Variants in OST4 observed in about 807,000 individuals in gnomAD.
The protein encoded by OST4 is dolichyl-diphosphooligosaccharide--protein glycosyltransferase subunit 4.
Under a neutral mutation model 2.1 loss-of-function variants are expected in OST4, and 3 were observed. The ratio of observed to expected loss-of-function variants is 1.42; its 90% CI spans 0.65 to 3.67. The LOEUF (loss-of-function observed/expected upper bound fraction) is 3.67, where lower values mean the gene tolerates loss of function less well. OST4 is among the 30% of genes most tolerant of loss of function. The pLI is 0.03. For missense variants in OST4, 52 were observed against 47.1 expected, an observed-to-expected ratio of 1.10 and a Z score of -0.30; for synonymous variants, 23 against 21.6, an observed-to-expected ratio of 1.06 and a Z score of -0.18.
intron 2 of OST4, among the ~76,000 whole-genome samples, 160 bp downstream of exon 2, chr2:27,071,166 G>A (rs925481681): frequency 2.6e-5 from 4 of 152,232 alleles, no homozygotes; most frequent in Admixed American, 2.6e-4. Flanking sequence ...GGAGAGGACA[G>A]CGCGCTCTCT....
chr2:27,070,647 A>C lies in OST4; in HGVS notation c.*98T>G. The C allele has an allele frequency of 5.5e-6, 1 of 183,124 alleles. No homozygotes were observed. Among genetic ancestry groups the C allele is most frequent in the African/African-American group, 2.3e-5 (1 of 42,648 alleles). 11.3% of individuals were successfully genotyped at this position (183,124 alleles called of 1,614,324 possible). On this transcript the variant is annotated 3_prime_UTR_variant, in exon 3 of 3. Transcript: ENST00000456793. ...AGGTGTAGTTGCTTTGTATGTTGTG[A>C]TGGGTAGAAGGGATGAAGTGAAGTG... is the stretch of plus-strand genomic sequence containing the variant.
chr2:27,071,225 T>A, intron 2 of OST4, 101 bp downstream of exon 2: 1 of 728,614 alleles, frequency 1.4e-6, no homozygotes, highest in Non-Finnish European at 2.3e-6. Flanking sequence ...GTATCATGCT[T>A]GGCCCGACAC....
chr2:27,071,526 C>T (rs938252788), intron 1 of OST4, 63 bp from the exon 2 acceptor site: 2 of 1,389,730 alleles, frequency 1.4e-6, no homozygotes, highest in South Asian at 2.5e-5. Flanking sequence ...AAGAACCCGT[C>T]CTCGCCCCAC....
At chr2:27,071,113 G>A (rs1259071749) in intron 2 of OST4, among the ~76,000 whole-genome samples, 1 of 152,192 alleles carries the variant, frequency 6.6e-6, no homozygotes, top group Admixed American at 6.5e-5. Context: ...AGACTGTGAG[G>A]GTTAGGCAAC....
In OST4 at chr2:27,071,421, C is replaced by T. The variant is rs1207040467; in HGVS notation, c.42G>A (p.Leu14=). The T allele has an allele frequency of 1.9e-6, 3 of 1,551,578 alleles. No homozygotes were observed. Among genetic ancestry groups the T allele is most frequent in the Non-Finnish European group, 2.6e-6 (3 of 1,146,972 alleles). The change falls in exon 2 of 3, where the codon CTG becomes CTA. Residue 14 remains leucine (L), a synonymous_variant. Coordinates refer to ENST00000456793, the MANE Select transcript of OST4 (RefSeq NM_001134693.2). ...CGACAAGCAAGAAGAGCGACACGCCCAGCATGTTGGCGAAGATGGCGAGCT... is the reference window on the plus strand; with the variant it reads ...CGACAAGCAAGAAGAGCGACACGCCTAGCATGTTGGCGAAGATGGCGAGCT... The part of the protein sequence containing the change: ...DVQLAIFANM[L]GVSLFLLVVL...
Position 27,071,618 on chromosome 2 carries a change from G to C in OST4, c.-19C>G, listed in dbSNP as rs548922147. 7.4e-6 allele frequency: 4 copies of C among 541,476 alleles called. No homozygotes were observed. Among genetic ancestry groups the C allele is most frequent in the African/African-American group, 2.0e-5 (1 of 50,776 alleles). 33.5% of individuals were successfully genotyped at this position (541,476 alleles called of 1,614,324 possible). Reference sequence around the variant, plus strand: ...CCTCTGACCTGACCAGTCCGGCTCGGCTCCGACGCCACCAGCGAACAAGCC... The same window carrying C: ...CCTCTGACCTGACCAGTCCGGCTCGCCTCCGACGCCACCAGCGAACAAGCC... On this transcript the variant is annotated 5_prime_UTR_variant, in exon 1 of 3. Coordinates refer to ENST00000456793, the MANE Select transcript of OST4 (RefSeq NM_001134693.2).
rs949536415 is a variant in OST4 at position 27,071,590 on chromosome 2, G to C, written c.-2+11C>G. 1 of 660,596 alleles carries C rather than the reference G, an allele frequency of 1.5e-6. No individual in the cohort carries two copies. Among genetic ancestry groups the C allele is most frequent in the Non-Finnish European group, 2.5e-6 (1 of 393,730 alleles). 40.9% of individuals were successfully genotyped at this position (660,596 alleles called of 1,614,324 possible). A position where few individuals can be genotyped will look rare whatever the true frequency, so the allele number is the denominator to read the frequency against. On this transcript the variant is annotated intron_variant, in intron 1 of 2. Coordinates refer to ENST00000456793, the MANE Select transcript of OST4 (RefSeq NM_001134693.2). ...GGCTGGCCCGTGGGACGGCCCCTGC[G>C]TGCCTCTGACCTGACCAGTCCGGCT...
At position 27,071,644 on chromosome 2, in the gene OST4, CG is replaced by C. The variant is rs1669277861; in HGVS notation, c.-46del. Reference sequence around the variant, plus strand: ...CTCCGACGCCACCAGCGAACAAGCCCGAAGTCAGAGACCTGGACCGGAACTT... The same window carrying C: ...CTCCGACGCCACCAGCGAACAAGCCCAAGTCAGAGACCTGGACCGGAACTT... On this transcript the variant is annotated 5_prime_UTR_variant, in exon 1 of 3. Transcript: ENST00000456793. The C allele has an allele frequency of 1.9e-6, 1 of 513,154 alleles. No individual in the cohort carries two copies. Among genetic ancestry groups the C allele is most frequent in the African/African-American group, 2.0e-5 (1 of 49,786 alleles). 31.8% of individuals were successfully genotyped at this position (513,154 alleles called of 1,614,324 possible).
intron 2 of OST4, among the ~76,000 whole-genome samples, chr2:27,071,002 C>T (rs950431022): frequency 6.6e-6 from 1 of 152,206 alleles, no homozygotes; most frequent in African/African-American, 2.4e-5. Flanking sequence ...TATTTAAGAG[C>T]CCAAATCCTC....
chr2:27,071,387 G>A lies in OST4; in HGVS notation c.76C>T (p.His26Tyr). ...TTGGGATTGTTGACGGCCACGTAGT[G>A]ATAGAGAACGACAAGCAAGAAGAGC... ...VSLFLLVVLY[H>Y]YVAVNNPKKQ... The change falls in exon 2 of 3, where the codon CAC (histidine) becomes TAC (tyrosine). Residue 26 changes from histidine (H) to tyrosine (Y), a missense_variant. His to Tyr is a moderately conservative substitution (Grantham distance 83). Coordinates refer to ENST00000456793, the MANE Select transcript of OST4 (RefSeq NM_001134693.2). 6.4e-7 allele frequency: 1 copy of A among 1,551,722 alleles called. No individual in the cohort carries two copies. The highest frequency in any genetic ancestry group is 8.7e-7 in the Non-Finnish European group (1 of 1,146,976).
intron 2 of OST4, 25 bp downstream of exon 2, chr2:27,071,300 TG>T (rs1558428709): frequency 2.1e-6 from 3 of 1,456,750 alleles, no homozygotes. Context: ...CTCTGGGGAC[TG>T]GGCGCTACAG....
At chr2:27,071,106 CTG>C (rs1211629003) in intron 2 of OST4, among the ~76,000 whole-genome samples, 8 of 152,218 alleles carry the variant, frequency 5.3e-5, no homozygotes, top group Non-Finnish European at 8.8e-5. Context: ...CTACTGGAGA[CTG>C]TGAGGGTTAG....
rs756119697 is a variant in OST4 at position 27,071,457 on chromosome 2, G to A, written c.6C>T (p.Ile2=). Residue 2 remains isoleucine (I), a synonymous_variant, in exon 2 of 3, where the codon ATC becomes ATT. Transcript: ENST00000456793. M[I]TDVQLAIFAN... is the part of the protein sequence containing the mutation. The stretch of plus-strand genomic sequence containing the variant: ...CGAAGATGGCGAGCTGCACGTCCGT[G>A]ATCATCCTGCGGAGAAGAGAGGGGC... 19 of 1,550,960 alleles carry A rather than the reference G, an allele frequency of 1.2e-5. No individual in the cohort carries two copies. The South Asian group carries it at 1.4e-4, about 12-fold the overall frequency.
chr2:27,071,419 C>T lies in OST4; in HGVS notation c.44G>A (p.Gly15Asp). The T allele has an allele frequency of 1.3e-6, 2 of 1,551,704 alleles. No individual in the cohort carries two copies. The highest frequency in any genetic ancestry group is 1.7e-6 in the Non-Finnish European group (2 of 1,146,968). ...AACGACAAGCAAGAAGAGCGACACG[C>T]CCAGCATGTTGGCGAAGATGGCGAG... Reference protein sequence around the residue: ...VQLAIFANMLGVSLFLLVVLY... With the variant: ...VQLAIFANMLDVSLFLLVVLY... Residue 15 changes from glycine to aspartate, a missense_variant, in exon 2 of 3, where the codon GGC becomes GAC. Coordinates refer to ENST00000456793, the MANE Select transcript of OST4 (RefSeq NM_001134693.2).
chr2:27,071,575 T>C, intron 1 of OST4, 26 bp downstream of exon 1: 3 of 690,986 alleles, frequency 4.3e-6, no homozygotes, highest in Non-Finnish European at 7.0e-6. Context: ...GGCTGGCCCG[T>C]GGGACGGCCC....
Position 27,071,368 on chromosome 2 carries a change from T to C in OST4, c.95A>G (p.Asn32Ser), listed in dbSNP as rs1669266777. The C allele has an allele frequency of 6.4e-7, 1 of 1,551,520 alleles. No homozygotes were observed. Residue 32 changes from asparagine to serine, a missense_variant, in exon 2 of 3, where the codon AAT (asparagine) becomes AGT (serine). Asn to Ser is a conservative substitution (Grantham distance 46, BLOSUM62 1). Transcript: ENST00000456793. ...CCACTTTCATTCCTGCTTCTTGGGA[T>C]TGTTGACGGCCACGTAGTGATAGAG... Reference protein sequence around the residue: ...VVLYHYVAVNNPKKQE With the variant: ...VVLYHYVAVNSPKKQE
In OST4 at chr2:27,071,370, G is replaced by A. The variant is rs758042773; in HGVS notation, c.93C>T (p.Asn31=). ...ACTTTCATTCCTGCTTCTTGGGATT[G>A]TTGACGGCCACGTAGTGATAGAGAA... ...LVVLYHYVAV[N]NPKKQE The change falls in exon 2 of 3, where the codon AAC becomes AAT. Residue 31 remains asparagine (N), a synonymous_variant. Coordinates refer to ENST00000456793, the MANE Select transcript of OST4 (RefSeq NM_001134693.2). 6.4e-7 allele frequency: 1 copy of A among 1,551,642 alleles called. No individual in the cohort carries two copies.
At chr2:27,071,530 G>A (rs1669271711) in intron 1 of OST4, 67 bp from the exon 2 acceptor site, 1 of 1,325,966 alleles carries the variant, frequency 7.5e-7, no homozygotes, top group Non-Finnish European at 1.0e-6. Flanking sequence ...ACCCGTCCTC[G>A]CCCCACGGGC....
chr2:27,071,182 C>G (rs1458860599), intron 2 of OST4, 144 bp downstream of exon 2: 1 of 597,246 alleles, frequency 1.7e-6, no homozygotes, highest in East Asian at 2.9e-5. Context: ...TCTCTCTCTA[C>G]TCTGTGCAGA....
Sources: allele counts gnomAD v4.1 joint callset (sites outside exome capture counted in the v4.1 genomes callset), GRCh38; gene constraint gnomAD v4.1.1; transcripts MANE v1.5; gene names NCBI Gene and HGNC (gene_info 2026-07-23, HGNC 2026-07-21).